The following SIRT1 variants were observed in gnomAD, a reference collection of about 807,000 sequenced individuals.
The protein encoded by SIRT1 is sirtuin 1, also known as NAD-dependent protein deacetylase sirtuin-1.
In SIRT1, 24 loss-of-function variants were observed where a neutral mutation model predicts 67.9. That is an observed-to-expected ratio of 0.35 (90% confidence interval 0.26 to 0.50). SIRT1 has a LOEUF of 0.50. Among genes scored for constraint, SIRT1 ranks in the 20% least tolerant of loss-of-function variants. SIRT1 has a pLI of 0.98. For missense variants in SIRT1, 873 were observed against 937.2 expected, an observed-to-expected ratio of 0.93 and a Z score of 0.89; for synonymous variants, 378 against 350.7, an observed-to-expected ratio of 1.08 and a Z score of -0.87.
At chr10:67,904,280 G>A (rs955128594) in intron 4 of SIRT1, among the ~76,000 whole-genome samples, 5 of 151,480 alleles carry the variant, frequency 3.3e-5, no homozygotes, top group Non-Finnish European at 5.9e-5. Flanking sequence ...GGCATGAACC[G>A]TGAGGCCCAG....
intron 2 of SIRT1, among the ~76,000 whole-genome samples, chr10:67,888,677 G>T (rs1842524100): frequency 6.6e-6 from 1 of 151,848 alleles, no homozygotes; most frequent in African/African-American, 2.4e-5. Flanking sequence ...AGCTGAAGGG[G>T]GTCTTCCCAA....
chr10:67,885,563 G>A (rs1481391424), intron 1 of SIRT1, among the ~76,000 whole-genome samples: 1 of 149,580 alleles, frequency 6.7e-6, no homozygotes. Flanking sequence ...CTTTTTGGCT[G>A]TCCCGTTGGT....
intron 4 of SIRT1, among the ~76,000 whole-genome samples, chr10:67,894,542 T>C (rs1288779022): frequency 6.6e-6 from 1 of 152,126 alleles, no homozygotes; most frequent in Non-Finnish European, 1.5e-5. Flanking sequence ...GCGCAGACAT[T>C]GACACTATCA....
intron 4 of SIRT1, among the ~76,000 whole-genome samples, chr10:67,904,127 G>GTTTT (rs1401398689): frequency 1.2e-4 from 17 of 140,070 alleles, no homozygotes; most frequent in South Asian, 2.3e-4. Flanking sequence ...TTTTTTGTTT[G>GTTTT]TTTTTTTTTT....
At chr10:67,900,715 A>G (rs1034771799) in intron 4 of SIRT1, among the ~76,000 whole-genome samples, 4 of 152,012 alleles carry the variant, frequency 2.6e-5, no homozygotes, top group Admixed American at 2.0e-4. Context: ...AAGTGCTGGG[A>G]TTGTAGGCGT....
Position 67,885,037 on chromosome 10 carries a change from G to C in SIRT1, c.316G>C (p.Gly106Arg). The change falls in exon 1 of 9, where the codon GGC becomes CGC. Residue 106 changes from glycine to arginine, a missense_variant. Gly to Arg is a moderately radical substitution (Grantham distance 125, BLOSUM62 -2). Transcript: ENST00000212015. ...GGCTGGGGAAGGAGACAATGGGCCG[G>C]GCCTGCAGGGCCCATCTCGGGAGCC... ...AAAGEGDNGPGLQGPSREPPL... is the reference protein window; with the variant it reads ...AAAGEGDNGPRLQGPSREPPL... The C allele has an allele frequency of 7.1e-7, 1 of 1,400,526 alleles. No homozygotes were observed. Among genetic ancestry groups the C allele is most frequent in the African/African-American group, 1.5e-5 (1 of 66,428 alleles). 86.8% of individuals were successfully genotyped at this position (1,400,526 alleles called of 1,614,324 possible). A position where few individuals can be genotyped will look rare whatever the true frequency, so the allele number is the denominator to read the frequency against.
intron 4 of SIRT1, among the ~76,000 whole-genome samples, chr10:67,902,952 G>A (rs34104788): frequency 0.11 from 16,894 of 152,142 alleles, 968 homozygotes; most frequent in South Asian, 0.15. Flanking sequence ...TTAGCTGAAT[G>A]TGGTGGCGCG....
chr10:67,911,005 A>G lies in SIRT1; in HGVS notation c.1358-1469A>G, dbSNP rs76220894. 2.3e-3 allele frequency among the ~76,000 whole-genome samples: 357 copies of G among 152,330 alleles called. 2 individuals are homozygous for G. The highest frequency in any genetic ancestry group is 7.9e-3 in the African/African-American group (329 of 41,570). On this transcript the variant is annotated intron_variant, in intron 7 of 8. Transcript: ENST00000212015. Reference sequence around the variant, plus strand: ...AAGAAACATGGAGTCAAGCTCTTCAATTTTGTGTCTATCCCATATCTCGTG... The same window carrying G: ...AAGAAACATGGAGTCAAGCTCTTCAGTTTTGTGTCTATCCCATATCTCGTG...
intron 7 of SIRT1, among the ~76,000 whole-genome samples, chr10:67,911,826 T>G (rs1219804031): frequency 7.9e-6 from 1 of 125,876 alleles, no homozygotes; most frequent in African/African-American, 3.0e-5. Flanking sequence ...TTGCCCAGGC[T>G]GGAGTGCAAT....
At chr10:67,915,305 G>A (rs1209816970) in intron 8 of SIRT1, among the ~76,000 whole-genome samples, 1 of 152,190 alleles carries the variant, frequency 6.6e-6, no homozygotes, top group African/African-American at 2.4e-5. Flanking sequence ...TCTATTATGT[G>A]TGAAGAGATG....
Position 67,905,069 on chromosome 10 carries a change from A to C in SIRT1, c.943-1721A>C, listed in dbSNP as rs373106228. On this transcript the variant is annotated intron_variant, in intron 4 of 8. Transcript: ENST00000212015. ...CTCTTTTTCCCTGACCTTGCTTTGG[A>C]GTTATTTTATTTTTTAAATTCTGCA... Among the ~76,000 whole-genome samples the C allele has an allele frequency of 3.3e-5, 5 of 151,802 alleles. No individual in the cohort carries two copies. In the South Asian group the frequency reaches 1.0e-3, roughly 32 times the overall value.
At chr10:67,903,646 C>T (rs1168651223) in intron 4 of SIRT1, among the ~76,000 whole-genome samples, 1 of 152,148 alleles carries the variant, frequency 6.6e-6, no homozygotes, top group African/African-American at 2.4e-5. Context: ...CTCGGCCACC[C>T]AAAGTGCTGG....
intron 4 of SIRT1, among the ~76,000 whole-genome samples, chr10:67,897,552 C>T (rs1370097238): frequency 2.0e-4 from 31 of 151,934 alleles, no homozygotes; most frequent in Non-Finnish European, 1.0e-4. Flanking sequence ...TTAGTAGAGA[C>T]GGGGTTTCAC....
chr10:67,912,779 CTT>C lies in SIRT1; in HGVS notation c.1666_1667del (p.Leu556ArgfsTer5). ...SPPDSSVIVT[L>X]LDQAAKSNDD... ...ACCAGATTCTTCAGTGATTGTCACA[CTT>C]TTAGACCAAGCAGCTAAGAGTAATG... On this transcript the variant is annotated frameshift_variant, in exon 8 of 9. Transcript: ENST00000212015. LOFTEE classifies it high-confidence loss of function. 1 of 1,614,118 alleles carries C rather than the reference CTT, an allele frequency of 6.2e-7. No homozygotes were observed. The highest frequency in any genetic ancestry group is 8.5e-7 in the Non-Finnish European group (1 of 1,180,036).
chr10:67,905,494 G>C (rs1842808015), intron 4 of SIRT1, among the ~76,000 whole-genome samples: 1 of 152,196 alleles, frequency 6.6e-6, no homozygotes, highest in Non-Finnish European at 1.5e-5. Flanking sequence ...GTATGTGATA[G>C]CTGTTAACGG....
At chr10:67,914,988 A>G (rs886522094) in intron 8 of SIRT1, among the ~76,000 whole-genome samples, 4 of 151,740 alleles carry the variant, frequency 2.6e-5, no homozygotes, top group South Asian at 4.2e-4. Flanking sequence ...GGCCTCCCAA[A>G]GTGCTGGGAT....
chr10:67,899,557 A>G (rs1247777236), intron 4 of SIRT1, among the ~76,000 whole-genome samples: 1 of 152,062 alleles, frequency 6.6e-6, no homozygotes, highest in African/African-American at 2.4e-5. Flanking sequence ...TTAATACTTG[A>G]TAAATGATTG....
chr10:67,890,632 T>C (rs895897185), intron 3 of SIRT1, among the ~76,000 whole-genome samples: 4 of 151,482 alleles, frequency 2.6e-5, no homozygotes, highest in Non-Finnish European at 5.9e-5. Context: ...GCTAAGGAGG[T>C]TGAGGTGGGA....
At chr10:67,907,802 C>CTAAGAGATTGAAAAA (rs1842843888) in intron 5 of SIRT1, among the ~76,000 whole-genome samples, 1 of 151,996 alleles carries the variant, frequency 6.6e-6, no homozygotes, top group African/African-American at 2.4e-5. Flanking sequence ...ATATTAGTGT[C>CTAAGAGATTGAAAAA]TCAGAGATTG....
Sources: allele counts gnomAD v4.1 joint callset (sites outside exome capture counted in the v4.1 genomes callset), GRCh38; gene constraint gnomAD v4.1.1; transcripts MANE v1.5; gene names NCBI Gene and HGNC (gene_info 2026-07-23, HGNC 2026-07-21).